Variants in LGALS3BP observed in about 807,000 individuals in gnomAD.
The protein encoded by LGALS3BP is galectin-3-binding protein.
LGALS3BP carries 25 observed loss-of-function variants against 22.9 expected under a neutral mutation model. That is an observed-to-expected ratio of 1.09 (90% CI 0.80 to 1.53). The LOEUF (loss-of-function observed/expected upper bound fraction) is 1.53. Among genes scored for constraint, LGALS3BP ranks in the 40% most tolerant of loss-of-function variants. The pLI is 0.00. For synonymous variants in LGALS3BP, 335 were observed against 331.1 expected, an observed-to-expected ratio of 1.01 and a Z score of -0.13; for missense variants, 718 against 752.0, an observed-to-expected ratio of 0.95 and a Z score of 0.53.
rs1001371604 is a variant in LGALS3BP at position 78,976,497 on chromosome 17, C to T, written c.53-341G>A. Among the ~76,000 whole-genome samples the T allele has an allele frequency of 2.0e-5, 3 of 152,174 alleles. No homozygotes were observed. Among genetic ancestry groups the T allele is most frequent in the Non-Finnish European group, 2.9e-5 (2 of 68,028 alleles). On this transcript the variant is annotated intron_variant, in intron 2 of 5. Transcript: ENST00000262776. This position sits in a 1 kb window ranked among gnomAD's most constrained non-coding sequence, Gnocchi z 4.6. ...AAGGATAGGAGGGGAACGGAGGCCC[C>T]GTGCTGACCCGCCCTGCAGAGGGTG...
In LGALS3BP at chr17:78,976,019, C is replaced by A; in HGVS notation, c.190G>T (p.Ala64Ser). The stretch of plus-strand genomic sequence containing the variant: ...TGGGTGGCGTTCTCGAAGCCCAGGG[C>A]CCGGCAGACGACGCTGGCATCAGTC... ...DLTDASVVCR[A>S]LGFENATQAL... Residue 64 changes from alanine (A) to serine (S), a missense_variant, in exon 3 of 6, where the codon GCC becomes TCC. Coordinates refer to ENST00000262776, the MANE Select transcript of LGALS3BP (RefSeq NM_005567.4). This position sits in a 1 kb window ranked among gnomAD's most constrained non-coding sequence, Gnocchi z 4.6. The A allele has an allele frequency of 6.2e-7, 1 of 1,612,580 alleles. No individual in the cohort carries two copies. Among genetic ancestry groups the A allele is most frequent in the Non-Finnish European group, 8.5e-7 (1 of 1,179,788 alleles).
rs770079138 is a variant in LGALS3BP at position 78,976,002 on chromosome 17, G to C, written c.207C>G (p.Asn69Lys). ...SVVCRALGFE[N>K]ATQALGRAAF... ...CAGCTCTGCCCAGAGCCTGGGTGGC[G>C]TTCTCGAAGCCCAGGGCCCGGCAGA... Residue 69 changes from asparagine to lysine, a missense_variant, in exon 3 of 6, where the codon AAC (asparagine) becomes AAG (lysine). Transcript: ENST00000262776. This position sits in a 1 kb window ranked among gnomAD's most constrained non-coding sequence, Gnocchi z 4.6. 1 of 1,612,196 alleles carries C rather than the reference G, an allele frequency of 6.2e-7. No individual in the cohort carries two copies.
rs775043739 is a variant in LGALS3BP at position 78,976,124 on chromosome 17, C to T, written c.85G>A (p.Gly29Arg). Residue 29 changes from glycine (G) to arginine (R), a missense_variant, in exon 3 of 6, where the codon GGG becomes AGG. Coordinates refer to ENST00000262776, the MANE Select transcript of LGALS3BP (RefSeq NM_005567.4). This position sits in a 1 kb window ranked among gnomAD's most constrained non-coding sequence, Gnocchi z 4.6. ...VNDGDMRLAD[G>R]GATNQGRVEI... ...ACGCGGCCCTGGTTGGTGGCGCCCC[C>T]ATCGGCCAGCCGCATGTCACCATCG... 1.3e-5 allele frequency: 20 copies of T among 1,593,250 alleles called. No individual in the cohort carries two copies. Among genetic ancestry groups the T allele is most frequent in the Non-Finnish European group, 1.7e-5 (20 of 1,170,798 alleles).
Position 78,973,380 on chromosome 17 carries a change from G to C in LGALS3BP, c.377-158C>G, listed in dbSNP as rs368142783. 2 of 898,098 alleles carry C rather than the reference G, an allele frequency of 2.2e-6. No individual in the cohort carries two copies. Among genetic ancestry groups the C allele is most frequent in the Non-Finnish European group, 3.3e-6 (2 of 614,680 alleles). The allele number at this position is 898,098 out of a possible 1,614,324, so 55.6% of individuals were successfully genotyped here. A position where few individuals can be genotyped will look rare whatever the true frequency, so the allele number is the denominator to read the frequency against. ...AGGGACAAGAGAGACCGGAAGTGTC[G>C]GATTCCTGGACCCTGAGGCCCCGCC... is the stretch of plus-strand genomic sequence containing the variant. On this transcript the variant is annotated intron_variant, in intron 4 of 5. Transcript: ENST00000262776. The surrounding 1 kb of genome is among the most constrained non-coding windows in gnomAD (Gnocchi z 5.8).
chr17:78,971,337 A>C lies in LGALS3BP; in HGVS notation c.*239T>G. On this transcript the variant is annotated 3_prime_UTR_variant, in exon 6 of 6. Coordinates refer to ENST00000262776, the MANE Select transcript of LGALS3BP (RefSeq NM_005567.4). This position sits in a 1 kb window ranked among gnomAD's most constrained non-coding sequence, Gnocchi z 5.6. ...GGGGCTGTGGGGGGATCCCAGAGCA[A>C]CCTCGAGGGCGTCCTGGTGCTTACC... 3 of 547,580 alleles carry C rather than the reference A, an allele frequency of 5.5e-6. No individual in the cohort carries two copies. Among genetic ancestry groups the C allele is most frequent in the Non-Finnish European group, 9.8e-6 (3 of 307,040 alleles). 33.9% of individuals were successfully genotyped at this position (547,580 alleles called of 1,614,324 possible).
rs1381659713 is a variant in LGALS3BP at position 78,974,804 on chromosome 17, A to G, written c.260T>C (p.Met87Thr). 6.2e-7 allele frequency: 1 copy of G among 1,613,652 alleles called. No individual in the cohort carries two copies. The highest frequency in any genetic ancestry group is 1.3e-5 in the African/African-American group (1 of 74,950). ...TCCCGTGCACTGGACCTCATCCAGC[A>G]TGATGGGGCCTGATCCTGTGGACAC... ...AAFGQGSGPI[M>T]LDEVQCTGTE... The change falls in exon 4 of 6, where the codon ATG (methionine) becomes ACG (threonine). Residue 87 changes from methionine (M) to threonine (T), a missense_variant. Physicochemically the swap from Met to Thr is moderately conservative, Grantham distance 81. Transcript: ENST00000262776.
rs1402072563 is a variant in LGALS3BP, at chr17:78,971,791, T to C, written c.1543A>G (p.Thr515Ala). The C allele has an allele frequency of 4.3e-6, 7 of 1,614,000 alleles. No individual in the cohort carries two copies. The highest frequency in any genetic ancestry group is 1.1e-5 in the South Asian group (1 of 91,082). The change falls in exon 6 of 6, where the codon ACC becomes GCC. Residue 515 changes from threonine (T) to alanine (A), a missense_variant. By Grantham distance (58) the Thr-to-Ala change is moderately conservative (BLOSUM62 0). Transcript: ENST00000262776. This position sits in a 1 kb window ranked among gnomAD's most constrained non-coding sequence, Gnocchi z 5.6. ...AGGGCTTTGTTTTCGTAGGCAATGG[T>C]GCGATCTGAGCCGCCAGACTTGGTG... ...GLTKSGGSDR[T>A]IAYENKALML...
chr17:78,974,735 T>C lies in LGALS3BP; in HGVS notation c.329A>G (p.Lys110Arg). 6.2e-7 allele frequency: 1 copy of C among 1,613,902 alleles called. No homozygotes were observed. The highest frequency in any genetic ancestry group is 8.5e-7 in the Non-Finnish European group (1 of 1,180,002). ...LADCKSLGWLKSNCRHERDAG... is the reference protein window; with the variant it reads ...LADCKSLGWLRSNCRHERDAG... The stretch of plus-strand genomic sequence containing the variant: ...GTCTCTCTCGTGCCTGCAGTTGCTC[T>C]TCAGCCAGCCCAGGGACTTGCAGTC... The change falls in exon 4 of 6, where the codon AAG becomes AGG. Residue 110 changes from lysine to arginine, a missense_variant. Lys to Arg is a conservative substitution (Grantham distance 26). Transcript: ENST00000262776.
chr17:78,977,351 T>C (rs2070730253), intron 1 of LGALS3BP, 137 bp from the exon 2 acceptor site: 2 of 666,648 alleles, frequency 3.0e-6, no homozygotes, highest in Non-Finnish European at 5.1e-6. Flanking sequence ...GAGCCCACTA[T>C]GATCCCAGTA....
chr17:78,972,200 C>T lies in LGALS3BP; in HGVS notation c.1134G>A (p.Leu378=). Residue 378 remains leucine, a synonymous_variant, in exon 6 of 6, where the codon CTG becomes CTA. Transcript: ENST00000262776. This position sits in a 1 kb window ranked among gnomAD's most constrained non-coding sequence, Gnocchi z 5.1. ...GCACAGTGTGGAATTCCAGGGCCTG[C>T]AGAGTCTTCTTCTGGAACAGGGCCT... ...SHEALFQKKT[L]QALEFHTVPF... 6.2e-7 allele frequency: 1 copy of T among 1,613,992 alleles called. No individual in the cohort carries two copies. The highest frequency in any genetic ancestry group is 8.5e-7 in the Non-Finnish European group (1 of 1,180,024).
At chr17:78,979,361 C>A (rs1288932685) in intron 1 of LGALS3BP, 1 of 152,300 alleles carries the variant, frequency 6.6e-6, no homozygotes, top group Non-Finnish European at 1.5e-5. Context: ...GGCCTGGGAG[C>A]AGCAATGATT....
Position 78,971,619 on chromosome 17 carries a change from A to G in LGALS3BP, c.1715T>C (p.Val572Ala), listed in dbSNP as rs761191440. 6.2e-7 allele frequency: 1 copy of G among 1,613,656 alleles called. No individual in the cohort carries two copies. The highest frequency in any genetic ancestry group is 1.1e-5 in the South Asian group (1 of 91,082). ...GTTGGTCAGGTAGAAGGGGCGGATGACCGTGCGGAAGCCGTTGAAGTGCCC... is the reference window on the plus strand; with the variant it reads ...GTTGGTCAGGTAGAAGGGGCGGATGGCCGTGCGGAAGCCGTTGAAGTGCCC... ...PAGHFNGFRT[V>A]IRPFYLTNSS... Residue 572 changes from valine to alanine, a missense_variant, in exon 6 of 6, where the codon GTC becomes GCC. Physicochemically the swap from Val to Ala is moderately conservative, Grantham distance 64. Transcript: ENST00000262776. The surrounding 1 kb of genome is among the most constrained non-coding windows in gnomAD (Gnocchi z 5.6).
chr17:78,975,409 G>A (rs1197562293), intron 3 of LGALS3BP, among the ~76,000 whole-genome samples: 1 of 152,170 alleles, frequency 6.6e-6, no homozygotes, highest in Non-Finnish European at 1.5e-5. Context: ...GCCCAGCCGA[G>A]CTCTTGAACC....
chr17:78,972,320 C>G lies in LGALS3BP; in HGVS notation c.1014G>C (p.Glu338Asp). The change falls in exon 6 of 6, where the codon GAG (glutamate) becomes GAC (aspartate). Residue 338 changes from glutamate to aspartate, a missense_variant. Coordinates refer to ENST00000262776, the MANE Select transcript of LGALS3BP (RefSeq NM_005567.4). The surrounding 1 kb of genome is among the most constrained non-coding windows in gnomAD (Gnocchi z 5.1). ...WSWGERASHE[E>D]VEGLVEKIRF... ...GGATCTTCTCCACCAAGCCCTCCAC[C>G]TCCTCATGGGAGGCACGCTCCCCCC... is the stretch of plus-strand genomic sequence containing the variant. 1.2e-6 allele frequency: 2 copies of G among 1,613,478 alleles called. No homozygotes were observed. Among genetic ancestry groups the G allele is most frequent in the African/African-American group, 2.7e-5 (2 of 75,050 alleles).
intron 1 of LGALS3BP, among the ~76,000 whole-genome samples, chr17:78,978,143 C>T (rs997256245): frequency 1.3e-5 from 2 of 152,210 alleles, no homozygotes; most frequent in African/African-American, 2.4e-5. Flanking sequence ...CTGTGGGCAC[C>T]GGCTGGGAGT....
chr17:78,972,782 C>T lies in LGALS3BP; in HGVS notation c.630-78G>A, dbSNP rs996266852. The T allele has an allele frequency of 8.8e-5, 130 of 1,482,714 alleles. No individual in the cohort carries two copies. The Middle Eastern group carries it at 9.1e-4, about 10-fold the overall frequency. 91.8% of individuals were successfully genotyped at this position (1,482,714 alleles called of 1,614,324 possible). A position where few individuals can be genotyped will look rare whatever the true frequency, so the allele number is the denominator to read the frequency against. ...CCTGGGCCCAACTGTCCAACACAGC[C>T]ACCTGAGTGCACACAGTGTGGGAGT... On this transcript the variant is annotated intron_variant, in intron 5 of 5. Transcript: ENST00000262776. The surrounding 1 kb of genome is among the most constrained non-coding windows in gnomAD (Gnocchi z 5.1).
rs141913015 is a variant in LGALS3BP, at chr17:78,976,392, C to T, written c.53-236G>A. On this transcript the variant is annotated intron_variant, in intron 2 of 5. Transcript: ENST00000262776. The surrounding 1 kb of genome is among the most constrained non-coding windows in gnomAD (Gnocchi z 4.6). ...TTTCCTTGTTTTAGGGGTCTCAGCC[C>T]TTCACTCCATAGACAGAACAGGGGC... 9.1e-3 allele frequency among the ~76,000 whole-genome samples: 1,390 copies of T among 152,338 alleles called. 22 individuals are homozygous for T. Among genetic ancestry groups the T allele is most frequent in the African/African-American group, 0.032 (1,314 of 41,570 alleles).
chr17:78,972,213 T>C lies in LGALS3BP; in HGVS notation c.1121A>G (p.Gln374Arg). The change falls in exon 6 of 6, where the codon CAG becomes CGG. Residue 374 changes from glutamine to arginine, a missense_variant. Gln to Arg is a conservative substitution (Grantham distance 43). Coordinates refer to ENST00000262776, the MANE Select transcript of LGALS3BP (RefSeq NM_005567.4). This position sits in a 1 kb window ranked among gnomAD's most constrained non-coding sequence, Gnocchi z 5.1. The stretch of plus-strand genomic sequence containing the variant: ...TTCCAGGGCCTGCAGAGTCTTCTTC[T>C]GGAACAGGGCCTCGTGGCTCCAGTA... ...SLYWSHEALF[Q>R]KKTLQALEFH... 1.2e-6 allele frequency: 2 copies of C among 1,613,950 alleles called. No individual in the cohort carries two copies. Among genetic ancestry groups the C allele is most frequent in the Non-Finnish European group, 1.7e-6 (2 of 1,180,014 alleles).
At chr17:78,975,035 G>A in intron 3 of LGALS3BP, 1 of 585,656 alleles carries the variant, frequency 1.7e-6, no homozygotes, top group Non-Finnish European at 3.0e-6. Context: ...AAGCTTACCG[G>A]CTGCTTCAGC....
Sources: gnomAD v4.1 joint callset for allele counts (sites outside exome capture counted in the v4.1 genomes callset) on GRCh38, gnomAD v4.1.1 for gene constraint, Gnocchi (gnomAD v3.1) non-coding constraint, MANE v1.5 for transcripts, NCBI Gene and HGNC (gene_info 2026-07-23, HGNC 2026-07-21) for gene names.